Variants in CDHR2 observed in about 807,000 individuals in gnomAD.
The protein encoded by CDHR2 is cadherin related family member 2.
In CDHR2, 104 loss-of-function variants were observed where a neutral mutation model predicts 138.6. The observed-to-expected ratio is 0.75, with a 90% CI of 0.64 to 0.88. The LOEUF (loss-of-function observed/expected upper bound fraction) is 0.88, where lower values mean the gene tolerates loss of function less well. Ranked by LOEUF, CDHR2 falls within the 40% of genes least tolerant of loss-of-function variation. The probability of loss-of-function intolerance (pLI) is 0.00; values close to 1 mark genes in which losing one functional copy is unlikely to be tolerated. For missense variants in CDHR2, 1,624 were observed against 1,727.6 expected (o/e 0.94, Z 1.06); for synonymous variants, 755 against 742.8 (o/e 1.02, Z -0.27).
At chr5:176,588,784 ATG>A (rs1758757486) in intron 21 of CDHR2, among the ~76,000 whole-genome samples, 1 of 152,022 alleles carries the variant, frequency 6.6e-6, no homozygotes, top group Non-Finnish European at 1.5e-5. Context: ...GGATTTCCAC[ATG>A]TGAGGGACTT....
At chr5:176,580,271 G>A (rs143817061) in intron 16 of CDHR2, among the ~76,000 whole-genome samples, 1 of 152,258 alleles carries the variant, frequency 6.6e-6, no homozygotes, top group African/African-American at 2.4e-5. Flanking sequence ...GCTCCTGCCT[G>A]TAATCTCAGC....
At chr5:176,588,637 CTG>C (rs1491067510) in intron 21 of CDHR2, among the ~76,000 whole-genome samples, 1 of 144,978 alleles carries the variant, frequency 6.9e-6, no homozygotes, top group Non-Finnish European at 1.5e-5. Flanking sequence ...TAGGGTGAGA[CTG>C]AGTGTGAGTG....
In CDHR2 at chr5:176,576,867, G is replaced by A. The variant is rs367723369; in HGVS notation, c.1195-532G>A. Among the ~76,000 whole-genome samples the A allele has an allele frequency of 1.3e-5, 2 of 152,162 alleles. No individual in the cohort carries two copies. The highest frequency in any genetic ancestry group is 2.4e-5 in the African/African-American group (1 of 41,428). ...GCTGGGATTGCAGGCGTGAGCCACC[G>A]CGCCCAGCCATGGGAGGCACTCTTA... On this transcript the variant is annotated intron_variant, in intron 12 of 31. Coordinates refer to ENST00000261944, the MANE Select transcript of CDHR2 (RefSeq NM_017675.6). This position sits in a 1 kb window ranked among gnomAD's most constrained non-coding sequence, Gnocchi z 4.5.
intron 1 of CDHR2, among the ~76,000 whole-genome samples, chr5:176,551,583 T>TG (rs1001081973): frequency 7.2e-5 from 11 of 152,156 alleles, no homozygotes; most frequent in African/African-American, 2.7e-4. Context: ...CTCAACCTTC[T>TG]GGGCTCAAGT....
chr5:176,553,372 C>T lies in CDHR2; in HGVS notation c.-16+3958C>T, dbSNP rs1045611022. The stretch of plus-strand genomic sequence containing the variant: ...GGGGCAAAGTGCTAGCCTCGGTACA[C>T]GGCCCTTCCTTGCCAGTTCCCATTT... On this transcript the variant is annotated intron_variant, in intron 1 of 31. Coordinates refer to ENST00000261944, the MANE Select transcript of CDHR2 (RefSeq NM_017675.6). The surrounding 1 kb of genome is among the most constrained non-coding windows in gnomAD (Gnocchi z 4.3). Among the ~76,000 whole-genome samples the T allele has an allele frequency of 1.3e-5, 2 of 152,176 alleles. No individual in the cohort carries two copies. The highest frequency in any genetic ancestry group is 4.8e-5 in the African/African-American group (2 of 41,438).
chr5:176,568,121 G>C (rs1236466205), intron 3 of CDHR2, among the ~76,000 whole-genome samples: 4 of 152,218 alleles, frequency 2.6e-5, no homozygotes, highest in Non-Finnish European at 4.4e-5. Flanking sequence ...GGCTGGATGG[G>C]TAAAGGAGGT....
rs539805915 is a variant in CDHR2, at chr5:176,577,750, G to A, written c.1464G>A (p.Thr488=). ...TTCCCCAGAGCTTGTACGTCCTCAC[G>A]GTGCCAGAGCACAGCGCCACCGGCT... is the stretch of plus-strand genomic sequence containing the variant. ...PTFPQSLYVL[T]VPEHSATGSV... Residue 488 remains threonine (T), a synonymous_variant, in exon 14 of 32, where the codon ACG becomes ACA. Coordinates refer to ENST00000261944, the MANE Select transcript of CDHR2 (RefSeq NM_017675.6). 17 of 1,614,144 alleles carry A rather than the reference G, an allele frequency of 1.1e-5. No homozygotes were observed. In the East Asian group the frequency reaches 1.8e-4, roughly 17 times the overall value.
chr5:176,589,680 C>A (rs1758794016), intron 24 of CDHR2, 64 bp downstream of exon 24: 1 of 1,402,340 alleles, frequency 7.1e-7, no homozygotes, highest in African/African-American at 1.4e-5. Flanking sequence ...TGGTCCCCGA[C>A]AAAACCTGGA....
At chr5:176,562,725 C>T (rs577157397) in intron 1 of CDHR2, among the ~76,000 whole-genome samples, 37 of 152,228 alleles carry the variant, frequency 2.4e-4, no homozygotes, top group African/African-American at 7.5e-4. Context: ...ACAGACACTT[C>T]GAAATGGGGT....
chr5:176,591,222 G>A lies in CDHR2; in HGVS notation c.3552G>A (p.Lys1184=). ...FVCVRKSYNR[K]LQAMKAAKEA... ...CGGTTCCCCACAGCTACAACCGGAAGCTTCAAGCTATGAAGGCTGCCAAGG... is the reference window on the plus strand; with the variant it reads ...CGGTTCCCCACAGCTACAACCGGAAACTTCAAGCTATGAAGGCTGCCAAGG... Residue 1184 remains lysine, a synonymous_variant, in exon 29 of 32, where the codon AAG becomes AAA. Coordinates refer to ENST00000261944, the MANE Select transcript of CDHR2 (RefSeq NM_017675.6). 1 of 1,613,384 alleles carries A rather than the reference G, an allele frequency of 6.2e-7. No individual in the cohort carries two copies. Among genetic ancestry groups the A allele is most frequent in the Non-Finnish European group, 8.5e-7 (1 of 1,179,532 alleles).
Position 176,584,799 on chromosome 5 carries a change from G to A in CDHR2, c.2518G>A (p.Ala840Thr), listed in dbSNP as rs149874189. 4.8e-5 allele frequency: 77 copies of A among 1,614,208 alleles called. No individual in the cohort carries two copies. In the African/African-American group the frequency reaches 1.0e-3, roughly 21 times the overall value. Reference protein sequence around the residue: ...VVVASDVDTSAQLEIQLVNIL... With the variant: ...VVVASDVDTSTQLEIQLVNIL... ...GGTTGCCTCGGATGTGGACACCAGT[G>A]CCCAGCTGGAGATACAGCTTGTGAA... Residue 840 changes from alanine to threonine, a missense_variant, in exon 19 of 32, where the codon GCC becomes ACC. Physicochemically the swap from Ala to Thr is moderately conservative, Grantham distance 58. Around this residue, in one of 3 missense-constraint regions of CDHR2, gnomAD observed 1,061 missense variants for 1,136.6 expected, o/e 0.93. Transcript: ENST00000261944.
intron 1 of CDHR2, 77 bp from the exon 2 acceptor site, chr5:176,565,261 C>A: frequency 1.9e-6 from 2 of 1,064,886 alleles, no homozygotes; most frequent in South Asian, 2.5e-5. Flanking sequence ...GGGCTCAGGT[C>A]AGACCCAGGC....
At chr5:176,579,490 C>G (rs1758477516) in intron 16 of CDHR2, among the ~76,000 whole-genome samples, 1 of 152,144 alleles carries the variant, frequency 6.6e-6, no homozygotes, top group African/African-American at 2.4e-5. Flanking sequence ...TGGCACTTCT[C>G]CCCTGGTCTG....
At position 176,543,192 on chromosome 5, in the gene CDHR2, C is replaced by A. The variant is rs1464734472; in HGVS notation, c.-16+423C>A. Reference sequence around the variant, plus strand: ...CGTTCCTCCGCCGGCCCGCGGCCGCCCCCTACCGCCGCGTGCTCGCCGGCC... The same window carrying A: ...CGTTCCTCCGCCGGCCCGCGGCCGCACCCTACCGCCGCGTGCTCGCCGGCC... On this transcript the variant is annotated intron_variant, in intron 1 of 31. Transcript: ENST00000510636. The surrounding 1 kb of genome is among the most constrained non-coding windows in gnomAD (Gnocchi z 4.0). 6.7e-6 allele frequency among the ~76,000 whole-genome samples: 1 copy of A among 149,110 alleles called. No individual in the cohort carries two copies. The highest frequency in any genetic ancestry group is 1.5e-5 in the Non-Finnish European group (1 of 66,960).
At chr5:176,574,245 C>A in intron 7 of CDHR2, 73 bp downstream of exon 7, 1 of 1,149,382 alleles carries the variant, frequency 8.7e-7, no homozygotes, top group Non-Finnish European at 1.3e-6. Context: ...ACCCACAGGG[C>A]CTGAACGTTG....
At chr5:176,569,287 GTT>G in intron 5 of CDHR2, among the ~76,000 whole-genome samples, 1 of 141,106 alleles carries the variant, frequency 7.1e-6, no homozygotes, top group African/African-American at 2.6e-5. Context: ...TAAATTAAAT[GTT>G]TTTTTTTTTT....
At chr5:176,554,718 T>C (rs1475205976) in intron 1 of CDHR2, among the ~76,000 whole-genome samples, 1 of 152,216 alleles carries the variant, frequency 6.6e-6, no homozygotes, top group Non-Finnish European at 1.5e-5. Flanking sequence ...TGGAGTGCAG[T>C]GGCACGATCT....
In CDHR2 at chr5:176,568,804, C is replaced by T. The variant is rs1159144548; in HGVS notation, c.251C>T (p.Ala84Val). 5 of 1,614,054 alleles carry T rather than the reference C, an allele frequency of 3.1e-6. No individual in the cohort carries two copies. Among genetic ancestry groups the T allele is most frequent in the Non-Finnish European group, 1.7e-6 (2 of 1,180,036 alleles). ...ACTGGGGAAGTGAAGCTGGCCAGCGCTCTGGACTACGAGGTAAAGAGCATC... is the reference window on the plus strand; with the variant it reads ...ACTGGGGAAGTGAAGCTGGCCAGCGTTCTGGACTACGAGGTAAAGAGCATC... ...PKTGEVKLAS[A>V]LDYETLYTFK... Residue 84 changes from alanine to valine, a missense_variant, in exon 4 of 32, where the codon GCT becomes GTT. By Grantham distance (64) the Ala-to-Val change is moderately conservative. This residue lies in a region of CDHR2 where 1,061 missense variants were observed against 1,136.6 expected (regional missense o/e 0.93). Coordinates refer to ENST00000261944, the MANE Select transcript of CDHR2 (RefSeq NM_017675.6).
chr5:176,581,543 T>C lies in CDHR2; in HGVS notation c.2019T>C (p.Pro673=), dbSNP rs1209401084. The C allele has an allele frequency of 6.2e-7, 1 of 1,614,080 alleles. No individual in the cohort carries two copies. Among genetic ancestry groups the C allele is most frequent in the Non-Finnish European group, 8.5e-7 (1 of 1,180,036 alleles). Residue 673 remains proline, a synonymous_variant, in exon 17 of 32, where the codon CCT becomes CCC. Coordinates refer to ENST00000261944, the MANE Select transcript of CDHR2 (RefSeq NM_017675.6). Reference sequence around the variant, plus strand: ...TGCTTGTGTCTGACTGCGGCGAGCCTGTCCTCGGCACCAAAGTCAATGTCA... The same window carrying C: ...TGCTTGTGTCTGACTGCGGCGAGCCCGTCCTCGGCACCAAAGTCAATGTCA... ...LTVLVSDCGE[P]VLGTKVNVTI...
Sources: gnomAD v4.1 joint callset for allele counts (sites outside exome capture counted in the v4.1 genomes callset) on GRCh38, gnomAD v4.1.1 for gene constraint, gnomAD v4.1.1 regional missense constraint, Gnocchi (gnomAD v3.1) non-coding constraint, MANE v1.5 for transcripts, NCBI Gene and HGNC (gene_info 2026-07-23, HGNC 2026-07-21) for gene names.